The following NCKAP5 variants were observed in gnomAD, a reference collection of about 807,000 sequenced individuals.
The protein encoded by NCKAP5 is NCK associated protein 5.
Under a neutral mutation model 167.0 loss-of-function variants are expected in NCKAP5, and 92 were observed. The observed-to-expected ratio is 0.55, with a 90% confidence interval of 0.47 to 0.66. The LOEUF (loss-of-function observed/expected upper bound fraction) is 0.66. Ranked by LOEUF, NCKAP5 falls within the 30% of genes least tolerant of loss-of-function variation. The pLI is 0.00. For missense variants in NCKAP5, 2,378 were observed against 2,315.0 expected, an observed-to-expected ratio of 1.03 and a Z score of -0.56; for synonymous variants, 891 against 877.4, an observed-to-expected ratio of 1.02 and a Z score of -0.27.
intron 3 of NCKAP5, among the ~76,000 whole-genome samples, chr2:133,483,131 T>C (rs1680604909): frequency 6.6e-6 from 1 of 152,202 alleles, no homozygotes; most frequent in Admixed American, 6.5e-5. Context: ...TGTTTTTCTA[T>C]CATTTATCAT....
At chr2:133,032,980 A>G (rs1472952613) in intron 6 of NCKAP5, among the ~76,000 whole-genome samples, 1 of 152,170 alleles carries the variant, frequency 6.6e-6, no homozygotes, top group African/African-American at 2.4e-5. Context: ...ATCTGCCTCC[A>G]TGATCCAATC....
At chr2:132,957,978 C>A (rs898063700) in intron 8 of NCKAP5, among the ~76,000 whole-genome samples, 3 of 152,136 alleles carry the variant, frequency 2.0e-5, no homozygotes, top group Non-Finnish European at 4.4e-5. Context: ...TAAAAATGGA[C>A]AATTTCTCCT....
intron 5 of NCKAP5, among the ~76,000 whole-genome samples, chr2:133,172,045 G>A (rs4953876): frequency 0.14 from 21,458 of 152,078 alleles, 1,692 homozygotes; most frequent in East Asian, 0.39. Flanking sequence ...AAGTCCTATG[G>A]AGACTCTGGA....
At chr2:133,480,324 A>C (rs757574144) in intron 3 of NCKAP5, among the ~76,000 whole-genome samples, 2 of 152,186 alleles carry the variant, frequency 1.3e-5, no homozygotes, top group Non-Finnish European at 2.9e-5. Context: ...AGGTAGTAAT[A>C]TAGTTCTGCT....
Position 132,812,301 on chromosome 2 carries a change from T to C in NCKAP5, c.808-15572A>G, listed in dbSNP as rs1558810678. Among the ~76,000 whole-genome samples, 9 of 152,324 alleles carry C rather than the reference T, an allele frequency of 5.9e-5. No individual in the cohort carries two copies. In the South Asian group the frequency reaches 1.9e-3, roughly 32 times the overall value. ...CTCCGGTCCTCCGTGATGAAGGTGA[T>C]ATGCATTATTTTTCCTTATTTAATC... On this transcript the variant is annotated intron_variant, in intron 11 of 19. Transcript: ENST00000409261.
intron 8 of NCKAP5, among the ~76,000 whole-genome samples, chr2:132,936,317 T>C (rs1390235520): frequency 6.6e-6 from 1 of 152,160 alleles, no homozygotes; most frequent in Non-Finnish European, 1.5e-5. Context: ...TAAAAAGTCA[T>C]AGAAACAACC....
chr2:133,633,168 G>A, the NCKAP5 span, among the ~76,000 whole-genome samples: 821 of 152,318 alleles, frequency 5.4e-3, 8 homozygotes, highest in African/African-American at 0.019. Context: ...GACAGGGGAA[G>A]TAATGTTCCT....
At chr2:133,487,004 C>T (rs547441460) in intron 3 of NCKAP5, among the ~76,000 whole-genome samples, 2 of 152,112 alleles carry the variant, frequency 1.3e-5, no homozygotes, top group South Asian at 4.1e-4. Flanking sequence ...CAGCACACTG[C>T]AGGAGTAAAA....
chr2:133,122,842 T>G (rs2082290439), intron 6 of NCKAP5: 1 of 152,188 alleles, frequency 6.6e-6, no homozygotes, highest in African/African-American at 2.4e-5. Context: ...AATTATTACT[T>G]CACCCAATAA....
chr2:133,383,995 A>T (rs1293170971), intron 3 of NCKAP5, among the ~76,000 whole-genome samples: 1 of 152,082 alleles, frequency 6.6e-6, no homozygotes, highest in African/African-American at 2.4e-5. Context: ...AATTTTCCCC[A>T]TTCTGTAGGT....
chr2:133,207,049 T>C (rs777507087), intron 5 of NCKAP5, among the ~76,000 whole-genome samples: 1 of 152,154 alleles, frequency 6.6e-6, no homozygotes, highest in Non-Finnish European at 1.5e-5. Flanking sequence ...TAGACGCTCA[T>C]CAGTAATTCT....
chr2:133,324,088 G>A (rs904780515), intron 3 of NCKAP5, among the ~76,000 whole-genome samples: 1 of 152,168 alleles, frequency 6.6e-6, no homozygotes, highest in Admixed American at 6.5e-5. Flanking sequence ...GCTCCGGGAG[G>A]TTTCCAAACT....
chr2:133,419,565 G>A (rs1689339773), intron 3 of NCKAP5, among the ~76,000 whole-genome samples: 2 of 152,152 alleles, frequency 1.3e-5, no homozygotes, highest in African/African-American at 4.8e-5. Flanking sequence ...TAGATGAAAA[G>A]TACTCTTTTG....
At chr2:133,514,346 A>G (rs184487176) in intron 3 of NCKAP5, among the ~76,000 whole-genome samples, 3 of 152,218 alleles carry the variant, frequency 2.0e-5, no homozygotes, top group Non-Finnish European at 2.9e-5. Context: ...ATGGACATGT[A>G]TATGTGTGCA....
chr2:133,447,218 G>A (rs1190340171), intron 3 of NCKAP5, among the ~76,000 whole-genome samples: 1 of 152,088 alleles, frequency 6.6e-6, no homozygotes, highest in Non-Finnish European at 1.5e-5. Flanking sequence ...AATTGCCATA[G>A]ACCCTAGAGG....
At chr2:133,209,412 A>G (rs998712445) in intron 5 of NCKAP5, among the ~76,000 whole-genome samples, 3 of 149,384 alleles carry the variant, frequency 2.0e-5, no homozygotes, top group Non-Finnish European at 4.4e-5. Flanking sequence ...AAAAATAAAG[A>G]TCTGAGTTAA....
intron 6 of NCKAP5, among the ~76,000 whole-genome samples, chr2:133,086,929 C>A (rs762345289): frequency 2.0e-5 from 3 of 152,052 alleles, no homozygotes; most frequent in Non-Finnish European, 2.9e-5. Context: ...ACTTGCCAAA[C>A]AGCAATGCTA....
At chr2:133,117,211 T>C (rs186336601) in intron 6 of NCKAP5, 9 of 152,368 alleles carry the variant, frequency 5.9e-5, no homozygotes, top group Non-Finnish European at 7.3e-5. Flanking sequence ...TTCACTGTTA[T>C]AACACTGGTA....
At chr2:133,200,929 C>T (rs1238518663) in intron 5 of NCKAP5, among the ~76,000 whole-genome samples, 2 of 152,070 alleles carry the variant, frequency 1.3e-5, no homozygotes, top group Non-Finnish European at 2.9e-5. Context: ...GTTCCAGGAC[C>T]CTGAAACCAC....
Sources: gnomAD v4.1 joint callset for allele counts (sites outside exome capture counted in the v4.1 genomes callset) on GRCh38, gnomAD v4.1.1 for gene constraint, MANE v1.5 for transcripts, NCBI Gene and HGNC (gene_info 2026-07-23, HGNC 2026-07-21) for gene names.